The following GALNTL6 variants were observed in gnomAD, a reference collection of about 807,000 sequenced individuals.
GALNTL6 encodes polypeptide N-acetylgalactosaminyltransferase like 6, also known as polypeptide N-acetylgalactosaminyltransferase-like 6.
In GALNTL6, 46 loss-of-function variants were observed where a neutral mutation model predicts 73.7. That is an observed-to-expected ratio of 0.62 (90% CI 0.49 to 0.80). GALNTL6 has a LOEUF of 0.80. Ranked by LOEUF, GALNTL6 falls within the 30% of genes least tolerant of loss-of-function variation. GALNTL6 has a pLI of 0.00. For synonymous variants in GALNTL6, 259 were observed against 263.7 expected, an observed-to-expected ratio of 0.98 and a Z score of 0.17; for missense variants, 604 against 755.0, an observed-to-expected ratio of 0.80 and a Z score of 2.34.
At chr4:172,822,497 C>A (rs1741987205) in intron 7 of GALNTL6, among the ~76,000 whole-genome samples, 1 of 152,152 alleles carries the variant, frequency 6.6e-6, no homozygotes, top group Non-Finnish European at 1.5e-5. Context: ...TCTACCCAAA[C>A]CTTACGGTGA....
At chr4:172,873,412 G>A (rs1158943224) in intron 7 of GALNTL6, among the ~76,000 whole-genome samples, 1 of 152,202 alleles carries the variant, frequency 6.6e-6, no homozygotes, top group Non-Finnish European at 1.5e-5. Flanking sequence ...CTTTCATAAA[G>A]CACCTCAGAA....
intron 2 of GALNTL6, among the ~76,000 whole-genome samples, chr4:171,869,770 T>G (rs1246244391): frequency 6.6e-6 from 1 of 152,164 alleles, no homozygotes; most frequent in Non-Finnish European, 1.5e-5. Flanking sequence ...TCTGCCATAT[T>G]GTTCTCGTGG....
chr4:171,903,646 C>T (rs1028808938), intron 2 of GALNTL6, among the ~76,000 whole-genome samples: 2 of 145,946 alleles, frequency 1.4e-5, no homozygotes, highest in East Asian at 2.0e-4. Context: ...CCCACCACAG[C>T]TCAAGGAGGC....
In GALNTL6 at chr4:172,566,617, C is replaced by A. The variant is rs530721224; in HGVS notation, c.553+217928C>A. On this transcript the variant is annotated intron_variant, in intron 5 of 12. Transcript: ENST00000506823. ...AAATAAACAACATAACTTTAAGTAT[C>A]AAGGACCAAGAAAAAGAAAAAAACT... Among the ~76,000 whole-genome samples the A allele has an allele frequency of 6.0e-5, 9 of 150,948 alleles. No individual in the cohort carries two copies. The South Asian group carries it at 1.5e-3, about 25-fold the overall frequency.
chr4:172,066,440 T>C (rs985750387), intron 2 of GALNTL6, among the ~76,000 whole-genome samples: 1 of 152,188 alleles, frequency 6.6e-6, no homozygotes, highest in South Asian at 2.1e-4. Context: ...TTTAGTAAGA[T>C]AAATCTCAAA....
intron 5 of GALNTL6, among the ~76,000 whole-genome samples, chr4:172,577,530 T>C (rs1312416633): frequency 1.3e-5 from 2 of 152,166 alleles, no homozygotes; most frequent in African/African-American, 2.4e-5. Context: ...AGTATTGTAA[T>C]AGCTAATGCC....
At chr4:171,899,308 T>A (rs982981545) in intron 2 of GALNTL6, among the ~76,000 whole-genome samples, 3 of 152,080 alleles carry the variant, frequency 2.0e-5, no homozygotes, top group African/African-American at 7.2e-5. Context: ...TTTATTCTCA[T>A]TCAAAGTATT....
chr4:172,156,555 A>ATATAGTATATATG (rs1553997734), intron 2 of GALNTL6, among the ~76,000 whole-genome samples: 44 of 136,446 alleles, frequency 3.2e-4, no homozygotes, highest in African/African-American at 1.2e-3. Context: ...ATATATATAT[A>ATATAGTATATATG]TATATATATA....
intron 5 of GALNTL6, among the ~76,000 whole-genome samples, chr4:172,705,569 A>G (rs1734299554): frequency 1.3e-5 from 2 of 151,462 alleles, no homozygotes; most frequent in African/African-American, 4.8e-5. Context: ...CTGGGTATTT[A>G]CTTTTTCCAA....
rs182913192 is a variant in GALNTL6, at chr4:173,000,322, C to T, written c.1372-8856C>T. 4.6e-4 allele frequency among the ~76,000 whole-genome samples: 70 copies of T among 151,992 alleles called. 1 individual carries two copies. The highest frequency in any genetic ancestry group is 1.3e-3 in the African/African-American group (53 of 41,448). ...TTTAACCACTACATTATATGTCTCC[C>T]GAAAAATAAATGAGAGTAGAAACAC... is the stretch of plus-strand genomic sequence containing the variant. On this transcript the variant is annotated intron_variant, in intron 10 of 12. Transcript: ENST00000506823.
chr4:171,818,962 G>T (rs1438008840), intron 2 of GALNTL6, among the ~76,000 whole-genome samples: 1 of 151,910 alleles, frequency 6.6e-6, no homozygotes, highest in African/African-American at 2.4e-5. Flanking sequence ...GAAAATATCA[G>T]ATAATTGGTA....
intron 2 of GALNTL6, among the ~76,000 whole-genome samples, chr4:171,873,252 T>C (rs1736186178): frequency 6.6e-6 from 1 of 152,184 alleles, no homozygotes; most frequent in African/African-American, 2.4e-5. Context: ...AACCAATCCA[T>C]TAGAGTAAAT....
chr4:172,100,164 G>A (rs930890324), intron 2 of GALNTL6, among the ~76,000 whole-genome samples: 4 of 152,094 alleles, frequency 2.6e-5, no homozygotes, highest in Non-Finnish European at 5.9e-5. Context: ...AGGTAGTTAT[G>A]TTGATAAATG....
chr4:172,674,485 A>C (rs1451533368), intron 5 of GALNTL6, among the ~76,000 whole-genome samples: 1 of 151,956 alleles, frequency 6.6e-6, no homozygotes, highest in Non-Finnish European at 1.5e-5. Flanking sequence ...GGTTCTCTGC[A>C]TTTCTTGAAT....
chr4:172,510,536 G>C (rs1368880982), intron 5 of GALNTL6, among the ~76,000 whole-genome samples: 1 of 54,764 alleles, frequency 1.8e-5, no homozygotes, highest in African/African-American at 4.5e-5. Flanking sequence ...CATGGAGAAT[G>C]CATTCAGCTT....
At chr4:172,877,328 A>G (rs1366710320) in intron 7 of GALNTL6, among the ~76,000 whole-genome samples, 8 of 152,020 alleles carry the variant, frequency 5.3e-5, no homozygotes, top group African/African-American at 1.7e-4. Context: ...TTTTTCATTT[A>G]TGGCATAAAG....
At chr4:172,321,153 G>A (rs190238472) in intron 4 of GALNTL6, among the ~76,000 whole-genome samples, 95 of 152,182 alleles carry the variant, frequency 6.2e-4, no homozygotes, top group African/African-American at 2.1e-3. Flanking sequence ...TGTATGTGCT[G>A]GAAAATAATA....
intron 2 of GALNTL6, among the ~76,000 whole-genome samples, chr4:171,871,700 G>A (rs529764818): frequency 1.6e-4 from 24 of 151,986 alleles, no homozygotes; most frequent in Non-Finnish European, 2.8e-4. Flanking sequence ...TTTAGGTCCC[G>A]AAAAAAACAC....
intron 4 of GALNTL6, among the ~76,000 whole-genome samples, chr4:172,328,916 G>A (rs1436402014): frequency 6.6e-6 from 1 of 152,122 alleles, no homozygotes; most frequent in East Asian, 1.9e-4. Context: ...GGAGTTGTTT[G>A]GAGAACATAA....
Sources: gnomAD v4.1 joint callset for allele counts (sites outside exome capture counted in the v4.1 genomes callset) on GRCh38, gnomAD v4.1.1 for gene constraint, MANE v1.5 for transcripts, NCBI Gene and HGNC (gene_info 2026-07-23, HGNC 2026-07-21) for gene names.